Variants in IFT172 observed in about 807,000 individuals in gnomAD.
IFT172 encodes the protein intraflagellar transport 172, also known as intraflagellar transport protein 172 homolog.
IFT172 carries 164 observed loss-of-function variants against 248.9 expected under a neutral mutation model. The ratio of observed to expected loss-of-function variants is 0.66; its 90% CI spans 0.58 to 0.75. The LOEUF (loss-of-function observed/expected upper bound fraction) is 0.75. Ranked by LOEUF, IFT172 falls within the 30% of genes least tolerant of loss-of-function variation. The pLI is 0.00. For missense variants in IFT172, 1,950 were observed against 2,192.4 expected (o/e 0.89, Z 2.21); for synonymous variants, 729 against 791.6 (o/e 0.92, Z 1.33).
chr2:27,483,569 T>A lies in IFT172; in HGVS notation c.482+11A>T, dbSNP rs769020947. ...TTCCAGACTCTAGTGATACTACTCC[T>A]CTTTACTCACTTTGTTGTCAGGGAC... On this transcript the variant is annotated intron_variant, in intron 6 of 47. Transcript: ENST00000260570. 2 of 1,613,102 alleles carry A rather than the reference T, an allele frequency of 1.2e-6. No individual in the cohort carries two copies. The highest frequency in any genetic ancestry group is 1.7e-6 in the Non-Finnish European group (2 of 1,179,196).
At position 27,449,045 on chromosome 2, in the gene IFT172, G is replaced by A. The variant is rs757606456; in HGVS notation, c.4312-14C>T. ...AATCTTGTAGTTCTGTACAGGGGTGGAGGAAAAGCATGAGTGAGGCTGGGA... is the reference window on the plus strand; with the variant it reads ...AATCTTGTAGTTCTGTACAGGGGTGAAGGAAAAGCATGAGTGAGGCTGGGA... On this transcript the variant is annotated splice_polypyrimidine_tract_variant and intron_variant, in intron 39 of 47. Transcript: ENST00000260570. The A allele has an allele frequency of 3.4e-6, 5 of 1,450,960 alleles. No homozygotes were observed. In the African/African-American group the frequency reaches 7.0e-5, roughly 20 times the overall value. 89.9% of individuals were successfully genotyped at this position (1,450,960 alleles called of 1,614,324 possible). A position where few individuals can be genotyped will look rare whatever the true frequency, so the allele number is the denominator to read the frequency against.
At chr2:27,444,766 G>A (rs1664887391) in intron 47 of IFT172, among the ~76,000 whole-genome samples, 2 of 152,126 alleles carry the variant, frequency 1.3e-5, no homozygotes. Context: ...TCCTGCCTCA[G>A]CCTCCTGAGT....
intron 5 of IFT172, 86 bp from the exon 6 acceptor site, chr2:27,483,745 A>AAAAC: frequency 6.7e-7 from 1 of 1,495,562 alleles, no homozygotes; most frequent in Non-Finnish European, 9.3e-7. Context: ...ACTGTCCCAC[A>AAAAC]AAACTGGTCC....
intron 14 of IFT172, among the ~76,000 whole-genome samples, chr2:27,474,084 A>G (rs1470805084): frequency 6.6e-6 from 1 of 152,202 alleles, no homozygotes; most frequent in Admixed American, 6.5e-5. Context: ...TTGGGATTAT[A>G]GGCATGAGCC....
chr2:27,481,119 G>A lies in IFT172; in HGVS notation c.712C>T (p.Pro238Ser). ...GCTGTGGTGAACTCCCGCTCCTGAG[G>A]GTCACGGCTATAATCAAAAGTTTGT... ...MLQTFDYSRDPQEREFTTAVS... is the reference protein window; with the variant it reads ...MLQTFDYSRDSQEREFTTAVS... Residue 238 changes from proline to serine, a missense_variant, in exon 8 of 48, where the codon CCT (proline) becomes TCT (serine). Physicochemically the swap from Pro to Ser is moderately conservative, Grantham distance 74 (BLOSUM62 -1). Around this residue, in one of 3 missense-constraint regions of IFT172, gnomAD observed 1,166 missense variants for 1,254.1 expected, o/e 0.93. Coordinates refer to ENST00000260570, the MANE Select transcript of IFT172 (RefSeq NM_015662.3). 1.2e-6 allele frequency: 2 copies of A among 1,613,898 alleles called. No individual in the cohort carries two copies. Among genetic ancestry groups the A allele is most frequent in the Non-Finnish European group, 1.7e-6 (2 of 1,179,976 alleles).
chr2:27,444,519 G>C lies in IFT172; in HGVS notation c.5163C>G (p.Thr1721=). 6.2e-7 allele frequency: 1 copy of C among 1,612,998 alleles called. No individual in the cohort carries two copies. Among genetic ancestry groups the C allele is most frequent in the Non-Finnish European group, 8.5e-7 (1 of 1,179,350 alleles). Residue 1721 remains threonine, a splice_region_variant and synonymous_variant, in exon 48 of 48, where the codon ACC becomes ACG. Transcript: ENST00000260570. The part of the protein sequence containing the change: ...NWNKFLMAIK[T]SHSPVCQDVL... The stretch of plus-strand genomic sequence containing the variant: ...CGTCCTGGCACACTGGGCTGTGGGA[G>C]GTCTGTGAGCAAATGGAAGAACATG...
chr2:27,458,039 C>T (rs1178956816), intron 27 of IFT172, 63 bp from the exon 28 acceptor site: 32 of 1,612,998 alleles, frequency 2.0e-5, no homozygotes, highest in Non-Finnish European at 2.5e-5. Context: ...GCCTTCTGGG[C>T]AGAGGGTACA....
rs1480924786 is a variant in IFT172 at position 27,457,744 on chromosome 2, A to G, written c.3123T>C (p.Ala1041=). 1 of 1,614,094 alleles carries G rather than the reference A, an allele frequency of 6.2e-7. No homozygotes were observed. The highest frequency in any genetic ancestry group is 8.5e-7 in the Non-Finnish European group (1 of 1,180,018). ...ACTCAGCCTCCTGTAGTCGGCCTTCAGCCTCCAGCTCCTGCAGGAAGGTGA... is the reference window on the plus strand; with the variant it reads ...ACTCAGCCTCCTGTAGTCGGCCTTCGGCCTCCAGCTCCTGCAGGAAGGTGA... ...THLHLGKELE[A]EGRLQEAEYH... Residue 1041 remains alanine, a synonymous_variant, in exon 29 of 48, where the codon GCT becomes GCC. Transcript: ENST00000260570.
At chr2:27,455,302 T>C in intron 30 of IFT172, 1 of 328,818 alleles carries the variant, frequency 3.0e-6, no homozygotes, top group Non-Finnish European at 5.8e-6. Flanking sequence ...AATTGGCGAT[T>C]TTGAAATAAT....
chr2:27,488,991 C>A (rs909081266), intron 1 of IFT172, among the ~76,000 whole-genome samples: 1 of 152,186 alleles, frequency 6.6e-6, no homozygotes, highest in Admixed American at 6.5e-5. Context: ...GCAGTGAGAT[C>A]GAGCCACTGC....
chr2:27,468,555 G>A (rs1016329673), intron 16 of IFT172, among the ~76,000 whole-genome samples: 3 of 152,136 alleles, frequency 2.0e-5, no homozygotes, highest in South Asian at 2.1e-4. Context: ...GACTTTAAAA[G>A]AAACCAAAGA....
At chr2:27,483,228 G>T in intron 7 of IFT172, 61 bp downstream of exon 7, 1 of 939,454 alleles carries the variant, frequency 1.1e-6, no homozygotes, top group Non-Finnish European at 1.8e-6. Context: ...TGTTGCCCAT[G>T]CTGGTCTCAA....
At position 27,459,537 on chromosome 2, in the gene IFT172, A is replaced by G. The variant is rs757469546; in HGVS notation, c.2643-15T>C. 1 of 1,613,804 alleles carries G rather than the reference A, an allele frequency of 6.2e-7. No homozygotes were observed. The highest frequency in any genetic ancestry group is 1.7e-5 in the Admixed American group (1 of 60,006). On this transcript the variant is annotated splice_polypyrimidine_tract_variant and intron_variant, in intron 24 of 47. Transcript: ENST00000260570. ...TAATGGAGCACCTGGCAAAGTTGGG[A>G]AAGATATAAATATGTAGGATGAAAG...
At chr2:27,449,410 G>A (rs1553322546) in intron 38 of IFT172, 30 bp from the exon 39 acceptor site, 2 of 1,614,122 alleles carry the variant, frequency 1.2e-6, no homozygotes, top group Admixed American at 1.7e-5. Context: ...AGTTACAAGA[G>A]AAAAGAGATG....
chr2:27,472,247 C>G lies in IFT172; in HGVS notation c.1524+3G>C. 6.2e-7 allele frequency: 1 copy of G among 1,610,680 alleles called. No individual in the cohort carries two copies. The highest frequency in any genetic ancestry group is 8.5e-7 in the Non-Finnish European group (1 of 1,176,838). ...TGCCTAAGGCCTTAGTAGCTCTTCT[C>G]ACACGAAGTTTCCGGTCCCTGAAGA... On this transcript the variant is annotated splice_donor_region_variant and intron_variant, in intron 15 of 47. Transcript: ENST00000260570.
chr2:27,487,952 A>G (rs1668882020), intron 1 of IFT172, among the ~76,000 whole-genome samples: 1 of 150,948 alleles, frequency 6.6e-6, no homozygotes. Context: ...TTATTAAGGT[A>G]CCCCAGTACA....
Position 27,481,168 on chromosome 2 carries a change from G to A in IFT172, c.663C>T (p.Ala221=). The part of the protein sequence containing the change: ...VAAGCDRKIV[A]YGKEGHMLQT... ...GTAGCATGTGACCTTCTTTTCCATAGGCTACAATTTTCCGATCACAGCCTG... is the reference window on the plus strand; with the variant it reads ...GTAGCATGTGACCTTCTTTTCCATAAGCTACAATTTTCCGATCACAGCCTG... The change falls in exon 8 of 48, where the codon GCC becomes GCT. Residue 221 remains alanine, a synonymous_variant. Transcript: ENST00000260570. 2 of 1,613,388 alleles carry A rather than the reference G, an allele frequency of 1.2e-6. No individual in the cohort carries two copies. The highest frequency in any genetic ancestry group is 1.7e-6 in the Non-Finnish European group (2 of 1,179,978).
rs148228238 is a variant in IFT172, at chr2:27,446,025, G to T, written c.4756-37C>A. ...AAGAGTTGCAAATGGGAGTGAACAA[G>T]CTGGGTTTGAATGCTACTTCTCTGG... On this transcript the variant is annotated intron_variant, in intron 43 of 47. Coordinates refer to ENST00000260570, the MANE Select transcript of IFT172 (RefSeq NM_015662.3). 3,125 of 1,612,380 alleles carry T rather than the reference G, an allele frequency of 1.9e-3. 7 individuals carry two copies. The highest frequency in any genetic ancestry group is 2.0e-3 in the Non-Finnish European group (2,412 of 1,178,354).
rs1348832731 is a variant in IFT172 at position 27,454,248 on chromosome 2, T to C, written c.3531-86A>G. 2 of 1,599,368 alleles carry C rather than the reference T, an allele frequency of 1.3e-6. No homozygotes were observed. The highest frequency in any genetic ancestry group is 1.7e-5 in the Admixed American group (1 of 59,930). On this transcript the variant is annotated intron_variant, in intron 32 of 47. Coordinates refer to ENST00000260570, the MANE Select transcript of IFT172 (RefSeq NM_015662.3). This position sits in a 1 kb window ranked among gnomAD's most constrained non-coding sequence, Gnocchi z 4.2. ...GACAAACAGCCATGTCACTGAGGGG[T>C]GTAACACTGATTTGTTCTAGGTTTG...
Sources: allele counts gnomAD v4.1 joint callset (sites outside exome capture counted in the v4.1 genomes callset), GRCh38; gene constraint gnomAD v4.1.1; regional missense constraint gnomAD v4.1.1; non-coding constraint Gnocchi (gnomAD v3.1); transcripts MANE v1.5; gene names NCBI Gene and HGNC (gene_info 2026-07-23, HGNC 2026-07-21).